Variants in CTNNA2 observed in about 807,000 individuals in gnomAD.
CTNNA2 encodes the protein catenin alpha 2.
A neutral mutation model predicts 101.0 loss-of-function variants in CTNNA2; 42 were observed. That is an observed-to-expected ratio of 0.42 (90% CI 0.32 to 0.54). The LOEUF (loss-of-function observed/expected upper bound fraction) is 0.54, where lower values mean the gene tolerates loss of function less well. CTNNA2 is among the 20% of genes least tolerant of loss of function. The pLI, the probability that CTNNA2 is intolerant of heterozygous loss-of-function variation, is 0.14. For synonymous variants in CTNNA2, 450 were observed against 456.4 expected, an observed-to-expected ratio of 0.99 and a Z score of 0.18; for missense variants, 871 against 1,223.1, an observed-to-expected ratio of 0.71 and a Z score of 4.29.
At chr2:79,265,147 G>A (rs781324769) in intron 2 of CTNNA2, among the ~76,000 whole-genome samples, 22 of 152,068 alleles carry the variant, frequency 1.4e-4, no homozygotes, top group Non-Finnish European at 2.6e-4. Context: ...TTACTCATTC[G>A]GTTCTTCTCT....
At chr2:79,925,627 A>G (rs1348443414) in intron 7 of CTNNA2, among the ~76,000 whole-genome samples, 1 of 152,096 alleles carries the variant, frequency 6.6e-6, no homozygotes, top group Admixed American at 6.6e-5. Flanking sequence ...TAGTTAATTT[A>G]TTAGTTTTGA....
At chr2:79,481,985 C>T (rs556078434) in intron 4 of CTNNA2, among the ~76,000 whole-genome samples, 5 of 152,192 alleles carry the variant, frequency 3.3e-5, no homozygotes, top group South Asian at 4.1e-4. Flanking sequence ...CTAGATTAAA[C>T]CCAAAGTGAA....
At chr2:79,193,198 T>A (rs1558569099) in intron 1 of CTNNA2, among the ~76,000 whole-genome samples, 1 of 152,194 alleles carries the variant, frequency 6.6e-6, no homozygotes, top group Non-Finnish European at 1.5e-5. Flanking sequence ...CTATAATGTA[T>A]TCATTCTACT....
chr2:79,647,271 T>G (rs1381445698), intron 1 of CTNNA2, among the ~76,000 whole-genome samples: 1 of 152,190 alleles, frequency 6.6e-6, no homozygotes, highest in Non-Finnish European at 1.5e-5. Flanking sequence ...TACCTGTTAC[T>G]TCAGAGATAA....
chr2:79,732,701 G>A (rs1194606591), intron 2 of CTNNA2, among the ~76,000 whole-genome samples: 1 of 152,000 alleles, frequency 6.6e-6, no homozygotes. Flanking sequence ...AATATTAGCT[G>A]CTGTAATAGA....
chr2:80,541,890 A>ATTTTTTTT (rs1558567288), intron 9 of CTNNA2, among the ~76,000 whole-genome samples: 1 of 148,412 alleles, frequency 6.7e-6, no homozygotes, highest in African/African-American at 2.5e-5. Flanking sequence ...TTTTTTTCTA[A>ATTTTTTTT]ATGTTTTTTA....
intron 4 of CTNNA2, among the ~76,000 whole-genome samples, chr2:79,434,295 CAAAAA>C (rs367927495): frequency 4.2e-5 from 4 of 95,488 alleles, no homozygotes; most frequent in Non-Finnish European, 6.5e-5. Context: ...GAGACTCTGT[CAAAAA>C]AAAAAAAAAA....
At chr2:79,618,654 C>A (rs1168527749) in intron 1 of CTNNA2, among the ~76,000 whole-genome samples, 1 of 150,678 alleles carries the variant, frequency 6.6e-6, no homozygotes, top group Non-Finnish European at 1.5e-5. Context: ...AACTTAAGTC[C>A]CTCAGTGGAT....
At chr2:80,305,678 TC>T (rs1484386094) in intron 7 of CTNNA2, among the ~76,000 whole-genome samples, 2 of 151,894 alleles carry the variant, frequency 1.3e-5, no homozygotes, top group Non-Finnish European at 2.9e-5. Context: ...TAGATAGGAG[TC>T]CTTACAATGA....
chr2:80,379,638 T>C lies in CTNNA2; in HGVS notation c.1057-13573T>C, dbSNP rs374137586. Reference sequence around the variant, plus strand: ...TTAAACAATGGAATTTTGAAGGAAATATGAAAATACAGATTCCTAGGCCAC... The same window carrying C: ...TTAAACAATGGAATTTTGAAGGAAACATGAAAATACAGATTCCTAGGCCAC... On this transcript the variant is annotated intron_variant, in intron 7 of 18. Coordinates refer to ENST00000402739, the MANE Select transcript of CTNNA2 (RefSeq NM_001282597.3). 6.2e-4 allele frequency among the ~76,000 whole-genome samples: 94 copies of C among 152,282 alleles called. 1 individual carries two copies. The highest frequency in any genetic ancestry group is 2.0e-3 in the African/African-American group (84 of 41,554).
At chr2:80,394,596 T>G (rs1352105051) in intron 8 of CTNNA2, among the ~76,000 whole-genome samples, 1 of 152,170 alleles carries the variant, frequency 6.6e-6, no homozygotes, top group Non-Finnish European at 1.5e-5. Context: ...CCATTTGATA[T>G]GAAATGATAT....
At chr2:79,814,177 A>T (rs1475648002) in intron 3 of CTNNA2, among the ~76,000 whole-genome samples, 1 of 152,136 alleles carries the variant, frequency 6.6e-6, no homozygotes, top group Non-Finnish European at 1.5e-5. Flanking sequence ...ATATGATTTC[A>T]TCGTGAGGTC....
intron 7 of CTNNA2, among the ~76,000 whole-genome samples, chr2:80,089,527 CTTTTT>C (rs10655675): frequency 6.3e-4 from 94 of 148,966 alleles, no homozygotes; most frequent in Middle Eastern, 3.4e-3. Context: ...CTCATAGATA[CTTTTT>C]TTTTTATTTT....
chr2:79,408,951 T>C (rs1267454850), intron 4 of CTNNA2, among the ~76,000 whole-genome samples: 1 of 132,018 alleles, frequency 7.6e-6, no homozygotes, highest in Non-Finnish European at 1.7e-5. Flanking sequence ...CCACATCCTC[T>C]CCAGCACTGT....
At chr2:79,848,767 G>C (rs187092013) in intron 3 of CTNNA2, among the ~76,000 whole-genome samples, 300 of 152,280 alleles carry the variant, frequency 2.0e-3, no homozygotes, top group African/African-American at 7.0e-3. Flanking sequence ...TGTACCTTGG[G>C]AAAGAACACT....
intron 9 of CTNNA2, among the ~76,000 whole-genome samples, chr2:80,426,315 G>A (rs895488561): frequency 1.3e-5 from 2 of 152,062 alleles, no homozygotes; most frequent in African/African-American, 4.8e-5. Flanking sequence ...AATATGCATC[G>A]CCACAATGAA....
At chr2:79,486,249 G>C (rs4438509) in intron 4 of CTNNA2, among the ~76,000 whole-genome samples, 52 of 133,610 alleles carry the variant, frequency 3.9e-4, no homozygotes, top group Non-Finnish European at 6.4e-4. Context: ...AACAATCCCC[G>C]GTGTGTGATG....
chr2:79,939,930 T>C (rs1004556297), intron 7 of CTNNA2, among the ~76,000 whole-genome samples: 6 of 152,108 alleles, frequency 3.9e-5, no homozygotes, highest in Middle Eastern at 3.2e-3. Flanking sequence ...CCGTCTCTAC[T>C]AAAAATACAA....
At chr2:80,045,539 G>C (rs910550653) in intron 7 of CTNNA2, among the ~76,000 whole-genome samples, 6 of 152,126 alleles carry the variant, frequency 3.9e-5, no homozygotes, top group African/African-American at 7.2e-5. Flanking sequence ...AATAATTACA[G>C]TGAACCGCAA....
Sources: gnomAD v4.1 joint callset for allele counts (sites outside exome capture counted in the v4.1 genomes callset) on GRCh38, gnomAD v4.1.1 for gene constraint, MANE v1.5 for transcripts, NCBI Gene and HGNC (gene_info 2026-07-23, HGNC 2026-07-21) for gene names.